Variants in TMEM63B observed in about 807,000 individuals in gnomAD.
The protein encoded by TMEM63B is mechanosensitive cation channel TMEM63B.
TMEM63B carries 23 observed loss-of-function variants against 102.6 expected under a neutral mutation model. The ratio of observed to expected loss-of-function variants is 0.22; its 90% CI spans 0.16 to 0.32. The LOEUF (loss-of-function observed/expected upper bound fraction) is 0.32. Among genes scored for constraint, TMEM63B ranks in the 10% least tolerant of loss-of-function variants. The pLI is 1.00. For missense variants in TMEM63B, 628 were observed against 1,095.9 expected (o/e 0.57, Z 6.03); for synonymous variants, 444 against 437.0 (o/e 1.02, Z -0.20).
At position 44,139,707 on chromosome 6, in the gene TMEM63B, G is replaced by A. The variant is rs756460767; in HGVS notation, c.551-1G>A. The A allele has an allele frequency of 6.2e-7, 1 of 1,614,194 alleles. No homozygotes were observed. The highest frequency in any genetic ancestry group is 8.5e-7 in the Non-Finnish European group (1 of 1,180,040). ...ATCCTCTCCCTCTTCCCACCCCACA[G>A]AGAACAATGCCTACAGCTTTGGGAG... On this transcript the variant is annotated splice_acceptor_variant, in intron 7 of 23. Transcript: ENST00000323267. LOFTEE classifies it high-confidence loss of function.
Position 44,141,151 on chromosome 6 carries a change from T to G in TMEM63B, c.782+53T>G. 5.7e-6 allele frequency: 9 copies of G among 1,569,696 alleles called. No individual in the cohort carries two copies. The South Asian group carries it at 8.9e-5, about 16-fold the overall frequency. ...TCAAGCCCTGCTGCAGAGCCTTCTCTGCCTTTGAACTCTAAGAACATCCTT... is the reference window on the plus strand; with the variant it reads ...TCAAGCCCTGCTGCAGAGCCTTCTCGGCCTTTGAACTCTAAGAACATCCTT... On this transcript the variant is annotated intron_variant, in intron 10 of 23. Transcript: ENST00000323267.
At chr6:44,147,733 G>A (rs944821723) in intron 12 of TMEM63B, among the ~76,000 whole-genome samples, 1 of 152,256 alleles carries the variant, frequency 6.6e-6, no homozygotes, top group African/African-American at 2.4e-5. Context: ...GGGGACTTGA[G>A]CAAGTTGCTT....
Position 44,150,458 on chromosome 6 carries a change from C to A in TMEM63B, c.1608-106C>A. 1 of 1,487,040 alleles carries A rather than the reference C, an allele frequency of 6.7e-7. No individual in the cohort carries two copies. Among genetic ancestry groups the A allele is most frequent in the Non-Finnish European group, 9.4e-7 (1 of 1,068,958 alleles). The allele number at this position is 1,487,040 out of a possible 1,614,324, so 92.1% of individuals were successfully genotyped here. A position where few individuals can be genotyped will look rare whatever the true frequency, so the allele number is the denominator to read the frequency against. The stretch of plus-strand genomic sequence containing the variant: ...CCCCAGGCCTCCTGAGCTACCCACC[C>A]CATGTCTGGGAGTCTCCCCAGTGGC... On this transcript the variant is annotated intron_variant, in intron 17 of 23. Transcript: ENST00000323267. This position sits in a 1 kb window ranked among gnomAD's most constrained non-coding sequence, Gnocchi z 4.7.
chr6:44,132,272 G>A lies in TMEM63B; in HGVS notation c.-24-2289G>A, dbSNP rs541472055. The stretch of plus-strand genomic sequence containing the variant: ...GAGTACTTTGTGACCCCAAGGAGGC[G>A]GACAGCAGAGGAGCATGGTGATTTC... On this transcript the variant is annotated intron_variant, in intron 1 of 23. Coordinates refer to ENST00000323267, the MANE Select transcript of TMEM63B (RefSeq NM_018426.3). The A allele has an allele frequency of 1.9e-5, 19 of 985,410 alleles. No individual in the cohort carries two copies. In the East Asian group the frequency reaches 1.2e-3, roughly 65 times the overall value. 61.0% of individuals were successfully genotyped at this position (985,410 alleles called of 1,614,324 possible).
intron 11 of TMEM63B, 96 bp downstream of exon 11, chr6:44,147,023 T>C: frequency 7.4e-7 from 1 of 1,348,206 alleles, no homozygotes; most frequent in East Asian, 2.4e-5. Flanking sequence ...CTAGATTTTT[T>C]CCTAGGGCAT....
At chr6:44,151,516 G>A (rs1766612623) in intron 18 of TMEM63B, among the ~76,000 whole-genome samples, 1 of 152,128 alleles carries the variant, frequency 6.6e-6, no homozygotes, top group Admixed American at 6.5e-5. Context: ...GGTGTTCCTG[G>A]GGCTGTCAGC....
Position 44,154,783 on chromosome 6 carries a change from C to T in TMEM63B, c.2399C>T (p.Ser800Leu), listed in dbSNP as rs754897736. 2 of 1,610,076 alleles carry T rather than the reference C, an allele frequency of 1.2e-6. No homozygotes were observed. Among genetic ancestry groups the T allele is most frequent in the South Asian group, 1.1e-5 (1 of 90,752 alleles). Residue 800 changes from serine (S) to leucine (L), a missense_variant, in exon 24 of 24, where the codon TCA (serine) becomes TTA (leucine). Around this residue, in one of 6 missense-constraint regions of TMEM63B, gnomAD observed 129 missense variants for 153.5 expected, o/e 0.84. Transcript: ENST00000323267. ...GSSGDEPPSS[S>L]SQDEELLMPP... ...TCAGGGGATGAGCCCCCATCATCCT[C>T]ATCCCAAGATGAGGAGTTGCTGATG...
rs1203529754 is a variant in TMEM63B at position 44,154,695 on chromosome 6, T to G, written c.2311T>G (p.Tyr771Asp). The G allele has an allele frequency of 6.5e-7, 1 of 1,542,826 alleles. No individual in the cohort carries two copies. The highest frequency in any genetic ancestry group is 8.7e-7 in the Non-Finnish European group (1 of 1,146,632). The change falls in exon 24 of 24, where the codon TAC (tyrosine) becomes GAC (aspartate). Residue 771 changes from tyrosine to aspartate, a missense_variant. Tyr to Asp is a radical substitution (Grantham distance 160). Around this residue, in one of 6 missense-constraint regions of TMEM63B, gnomAD observed 129 missense variants for 153.5 expected, o/e 0.84. Transcript: ENST00000323267. ...TAAAVPKSAK[Y>D]IAQVLQDSEV... The stretch of plus-strand genomic sequence containing the variant: ...CCCATTTCCTCTCCTCCTTCAGAAA[T>G]ACATCGCTCAGGTGCTGCAGGACTC...
chr6:44,136,363 T>C lies in TMEM63B; in HGVS notation c.293T>C (p.Met98Thr). ...CTCACCCCCAGTGTGGCTTCAGCTA[T>C]GCACGGGGACAGCCATGACCGGTAT... ...RVEQEYVASA[M>T]HGDSHDRYER... Residue 98 changes from methionine to threonine, a missense_variant, in exon 5 of 24, where the codon ATG (methionine) becomes ACG (threonine). Physicochemically the swap from Met to Thr is moderately conservative, Grantham distance 81 (BLOSUM62 -1). This residue lies in a region of TMEM63B where 336 missense variants were observed against 580.3 expected (regional missense o/e 0.58). Coordinates refer to ENST00000323267, the MANE Select transcript of TMEM63B (RefSeq NM_018426.3). 1 of 1,614,138 alleles carries C rather than the reference T, an allele frequency of 6.2e-7. No homozygotes were observed. The highest frequency in any genetic ancestry group is 8.5e-7 in the Non-Finnish European group (1 of 1,179,996).
intron 5 of TMEM63B, 141 bp downstream of exon 5, chr6:44,136,580 G>A: frequency 3.0e-6 from 2 of 659,780 alleles, no homozygotes; most frequent in Non-Finnish European, 5.4e-6. Context: ...ATTCAACCAA[G>A]GAGCCACAGG....
At chr6:44,129,381 A>G (rs1777860276) in intron 1 of TMEM63B, among the ~76,000 whole-genome samples, 1 of 151,714 alleles carries the variant, frequency 6.6e-6, no homozygotes, top group Non-Finnish European at 1.5e-5. Flanking sequence ...AAAAAAAAAA[A>G]AGAAAGAAAA....
In TMEM63B at chr6:44,139,202, A is replaced by G. The variant is rs76979555; in HGVS notation, c.408-265A>G. Among the ~76,000 whole-genome samples the G allele has an allele frequency of 0.14, 20,977 of 149,286 alleles. 1,530 individuals are homozygous for G. Among genetic ancestry groups the G allele is most frequent in the Admixed American group, 0.19 (2,900 of 15,048 alleles). ...CTGCAGTCTCTTCTTTCTTTTACCT[A>G]TCTTTTCCTTCTAGCCCTCTGCCTT... On this transcript the variant is annotated intron_variant, in intron 6 of 23. Transcript: ENST00000323267.
intron 10 of TMEM63B, 65 bp from the exon 11 acceptor site, chr6:44,146,782 T>C (rs770053559): frequency 1.5e-5 from 23 of 1,499,752 alleles, no homozygotes; most frequent in Non-Finnish European, 2.0e-5. Flanking sequence ...GATGGGGTCA[T>C]GGATGAAAGT....
Position 44,136,330 on chromosome 6 carries a change from T to C in TMEM63B, c.279-19T>C, listed in dbSNP as rs1762945473. The C allele has an allele frequency of 6.2e-7, 1 of 1,611,880 alleles. No individual in the cohort carries two copies. The highest frequency in any genetic ancestry group is 1.1e-5 in the South Asian group (1 of 91,018). On this transcript the variant is annotated intron_variant, in intron 4 of 23. Coordinates refer to ENST00000323267, the MANE Select transcript of TMEM63B (RefSeq NM_018426.3). ...CAGACTCACCAGGCTCTCTGATCTC[T>C]CATCTCCCTCACCCCCAGTGTGGCT...
chr6:44,146,060 G>T (rs1765316044), intron 10 of TMEM63B, among the ~76,000 whole-genome samples: 1 of 152,212 alleles, frequency 6.6e-6, no homozygotes, highest in Non-Finnish European at 1.5e-5. Flanking sequence ...TCTCTTGTCT[G>T]TCTTGGGCCA....
chr6:44,140,690 A>T (rs1243093581), intron 9 of TMEM63B, among the ~76,000 whole-genome samples: 1 of 152,106 alleles, frequency 6.6e-6, no homozygotes, highest in African/African-American at 2.4e-5. Flanking sequence ...CCAGAACCGG[A>T]CACCTACTCC....
intron 15 of TMEM63B, chr6:44,149,304 G>A: frequency 2.7e-6 from 1 of 372,012 alleles, no homozygotes; most frequent in Non-Finnish European, 5.1e-6. Flanking sequence ...TTATCGGTGT[G>A]AAACCCAGTG....
chr6:44,128,551 C>T (rs986388649), intron 1 of TMEM63B, among the ~76,000 whole-genome samples: 4 of 152,256 alleles, frequency 2.6e-5, no homozygotes, highest in African/African-American at 9.6e-5. Flanking sequence ...GTCAGAGGGG[C>T]TGGCTGCCCT....
At chr6:44,141,265 C>T (rs912129782) in intron 10 of TMEM63B, among the ~76,000 whole-genome samples, 167 bp downstream of exon 10, 3 of 152,206 alleles carry the variant, frequency 2.0e-5, no homozygotes, top group Non-Finnish European at 2.9e-5. Context: ...GCACTTGGGT[C>T]GGGTGATAGG....
Sources: allele counts gnomAD v4.1 joint callset (sites outside exome capture counted in the v4.1 genomes callset), GRCh38; gene constraint gnomAD v4.1.1; regional missense constraint gnomAD v4.1.1; non-coding constraint Gnocchi (gnomAD v3.1); transcripts MANE v1.5; gene names NCBI Gene and HGNC (gene_info 2026-07-23, HGNC 2026-07-21).